The following KIAA1217 variants were observed in gnomAD, a reference collection of about 807,000 sequenced individuals.
The protein encoded by KIAA1217 is KIAA1217.
KIAA1217 carries 88 observed loss-of-function variants against 163.9 expected under a neutral mutation model. That is an observed-to-expected ratio of 0.54 (90% CI 0.45 to 0.64). The LOEUF is 0.64. KIAA1217 is among the 30% of genes least tolerant of loss of function. The probability of loss-of-function intolerance (pLI) is 0.00; values close to 1 mark genes in which losing one functional copy is unlikely to be tolerated. For synonymous variants in KIAA1217, 903 were observed against 923.1 expected (o/e 0.98, Z 0.39); for missense variants, 2,372 against 2,475.0 (o/e 0.96, Z 0.88).
chr10:23,845,925 G>T (rs1158859054), intron 1 of KIAA1217, among the ~76,000 whole-genome samples: 2 of 152,110 alleles, frequency 1.3e-5, no homozygotes, highest in African/African-American at 4.8e-5. Flanking sequence ...GTAAGGAAGG[G>T]GTCCAGTTTC....
chr10:24,453,894 A>G (rs1424023320), intron 5 of KIAA1217, among the ~76,000 whole-genome samples: 1 of 152,160 alleles, frequency 6.6e-6, no homozygotes, highest in Non-Finnish European at 1.5e-5. Context: ...TCAATTTAAA[A>G]CTGACTTAAA....
chr10:24,406,954 A>G (rs1392843530), intron 3 of KIAA1217, among the ~76,000 whole-genome samples: 2 of 152,214 alleles, frequency 1.3e-5, no homozygotes, highest in Non-Finnish European at 2.9e-5. Flanking sequence ...TGATGAAACA[A>G]CAAAAGCACC....
intron 2 of KIAA1217, among the ~76,000 whole-genome samples, chr10:24,143,982 T>C: frequency 6.6e-6 from 1 of 152,160 alleles, no homozygotes; most frequent in East Asian, 1.9e-4. Context: ...GTTAAGTCTG[T>C]AACCCAACTC....
intron 3 of KIAA1217, among the ~76,000 whole-genome samples, chr10:24,403,235 T>TTAC (rs1320315249): frequency 1.3e-5 from 2 of 152,050 alleles, no homozygotes; most frequent in Non-Finnish European, 1.5e-5. Context: ...TATTTATTTA[T>TTAC]TATTATTATT....
At chr10:23,956,925 G>A (rs1268618059) in intron 1 of KIAA1217, among the ~76,000 whole-genome samples, 2 of 151,970 alleles carry the variant, frequency 1.3e-5, no homozygotes, top group African/African-American at 4.8e-5. Context: ...CCAAAACTGG[G>A]GACTACATTT....
chr10:24,109,380 GTC>G (rs2062756442), intron 2 of KIAA1217, among the ~76,000 whole-genome samples: 1 of 150,808 alleles, frequency 6.6e-6, no homozygotes, highest in Non-Finnish European at 1.5e-5. Flanking sequence ...TTGAACTGTG[GTC>G]TCTTTTTTTT....
chr10:24,366,201 T>G (rs2050758441), intron 2 of KIAA1217, among the ~76,000 whole-genome samples: 1 of 152,114 alleles, frequency 6.6e-6, no homozygotes, highest in Non-Finnish European at 1.5e-5. Flanking sequence ...TTCCAGCACT[T>G]TGGGAGGCCG....
intron 5 of KIAA1217, among the ~76,000 whole-genome samples, chr10:24,454,705 G>A (rs1318163304): frequency 6.6e-6 from 1 of 152,106 alleles, no homozygotes; most frequent in East Asian, 1.9e-4. Context: ...AGGAGGGCAC[G>A]GAATAGAACA....
chr10:24,070,092 G>A (rs2061126984), intron 2 of KIAA1217, among the ~76,000 whole-genome samples: 1 of 152,016 alleles, frequency 6.6e-6, no homozygotes, highest in African/African-American at 2.4e-5. Flanking sequence ...CTTCCACCTT[G>A]GCCTCCCAGT....
chr10:24,092,907 GT>G (rs2061989940), intron 2 of KIAA1217, among the ~76,000 whole-genome samples: 1 of 125,514 alleles, frequency 8.0e-6, no homozygotes, highest in Non-Finnish European at 1.5e-5. Flanking sequence ...TATGTATAGT[GT>G]GTGTGTGTGT....
intron 5 of KIAA1217, among the ~76,000 whole-genome samples, chr10:24,470,998 T>A (rs1262037911): frequency 6.6e-6 from 1 of 152,176 alleles, no homozygotes; most frequent in Non-Finnish European, 1.5e-5. Flanking sequence ...CTTGGGGGCT[T>A]CTTTAGAACT....
chr10:23,878,492 A>G (rs1300860505), intron 1 of KIAA1217, among the ~76,000 whole-genome samples: 1 of 151,928 alleles, frequency 6.6e-6, no homozygotes, highest in South Asian at 2.1e-4. Flanking sequence ...GTTCTATTTC[A>G]GATGGGAAGC....
chr10:24,296,641 A>G (rs533763418), intron 2 of KIAA1217, among the ~76,000 whole-genome samples: 14 of 152,326 alleles, frequency 9.2e-5, no homozygotes, highest in African/African-American at 3.1e-4. Context: ...CCATTTTCCT[A>G]TGACCATTTT....
At chr10:23,730,376 G>T (rs575384186) in intron 1 of KIAA1217, among the ~76,000 whole-genome samples, 8 of 151,862 alleles carry the variant, frequency 5.3e-5, no homozygotes, top group Admixed American at 6.6e-5. Flanking sequence ...TAATCTATTT[G>T]TCTACTGTTT....
At chr10:23,819,887 T>C (rs1837539361) in intron 1 of KIAA1217, among the ~76,000 whole-genome samples, 1 of 152,218 alleles carries the variant, frequency 6.6e-6, no homozygotes, top group Non-Finnish European at 1.5e-5. Flanking sequence ...TAAGCCATCC[T>C]GATCTCAGTT....
At chr10:24,136,359 T>G (rs760068183) in intron 2 of KIAA1217, among the ~76,000 whole-genome samples, 1 of 152,172 alleles carries the variant, frequency 6.6e-6, no homozygotes, top group Non-Finnish European at 1.5e-5. Context: ...GAGTGGAATT[T>G]TTTAAATTCT....
At chr10:24,475,917 C>T (rs73604486) in intron 6 of KIAA1217, among the ~76,000 whole-genome samples, 146 of 152,182 alleles carry the variant, frequency 9.6e-4, no homozygotes, top group African/African-American at 2.8e-3. Flanking sequence ...ATGGAACTTA[C>T]GGGAGCAAGA....
chr10:24,121,687 C>A (rs2131778723), intron 2 of KIAA1217, among the ~76,000 whole-genome samples: 1 of 152,176 alleles, frequency 6.6e-6, no homozygotes, highest in Non-Finnish European at 1.5e-5. Flanking sequence ...GATTTTTCAG[C>A]AAAATGCCTT....
chr10:24,163,103 G>T (rs1449108087), intron 2 of KIAA1217, among the ~76,000 whole-genome samples: 1 of 152,198 alleles, frequency 6.6e-6, no homozygotes, highest in Non-Finnish European at 1.5e-5. Flanking sequence ...CATCACTGGG[G>T]ACCCTCTTGG....
Sources: allele counts gnomAD v4.1 joint callset (sites outside exome capture counted in the v4.1 genomes callset), GRCh38; gene constraint gnomAD v4.1.1; transcripts MANE v1.5; gene names NCBI Gene and HGNC (gene_info 2026-07-23, HGNC 2026-07-21).